The following FGF14 variants were observed in gnomAD, a reference collection of about 807,000 sequenced individuals.
FGF14 encodes fibroblast growth factor homologous factor 4.
Under a neutral mutation model 25.5 loss-of-function variants are expected in FGF14, and 5 were observed. The ratio of observed to expected loss-of-function variants is 0.20; its 90% CI spans 0.10 to 0.41. The LOEUF (loss-of-function observed/expected upper bound fraction) is 0.41, where lower values mean the gene tolerates loss of function less well. FGF14 is among the 10% of genes least tolerant of loss of function. The pLI, the probability that FGF14 is intolerant of heterozygous loss-of-function variation, is 1.00. For missense variants in FGF14, 222 were observed against 320.1 expected, an observed-to-expected ratio of 0.69 and a Z score of 2.34; for synonymous variants, 138 against 118.3, an observed-to-expected ratio of 1.17 and a Z score of -1.08.
chr13:102,058,615 A>G (rs1043692357), intron 1 of FGF14, among the ~76,000 whole-genome samples: 2 of 152,186 alleles, frequency 1.3e-5, no homozygotes, highest in African/African-American at 4.8e-5. Flanking sequence ...CCCCATCACT[A>G]TTACCTCTTA....
chr13:102,318,106 G>A (rs1444852680), intron 1 of FGF14, among the ~76,000 whole-genome samples: 2 of 152,154 alleles, frequency 1.3e-5, no homozygotes, highest in African/African-American at 2.4e-5. Context: ...GAGGGAGTTG[G>A]AGGCCCCAGC....
intron 3 of FGF14, among the ~76,000 whole-genome samples, chr13:101,788,015 G>A (rs1488734850): frequency 6.6e-6 from 1 of 152,090 alleles, no homozygotes; most frequent in Non-Finnish European, 1.5e-5. Context: ...GGGATTACAG[G>A]CTTGTGGCAC....
intron 1 of FGF14, among the ~76,000 whole-genome samples, chr13:102,111,429 C>A (rs2140322849): frequency 6.6e-6 from 1 of 152,214 alleles, no homozygotes; most frequent in South Asian, 2.1e-4. Context: ...AAGATTGTCT[C>A]ATGGGTTAGG....
intron 1 of FGF14, among the ~76,000 whole-genome samples, chr13:102,109,714 G>T (rs1357131713): frequency 6.6e-6 from 1 of 152,096 alleles, no homozygotes; most frequent in Non-Finnish European, 1.5e-5. Flanking sequence ...TCGCCTCCCA[G>T]GTTCAAGAGG....
At chr13:102,170,534 G>A (rs1774433963) in intron 1 of FGF14, among the ~76,000 whole-genome samples, 1 of 152,056 alleles carries the variant, frequency 6.6e-6, no homozygotes, top group Non-Finnish European at 1.5e-5. Context: ...CATCACAGAA[G>A]CACGCATTTT....
At chr13:101,882,407 CT>C (rs1405109652) in intron 1 of FGF14, among the ~76,000 whole-genome samples, 4 of 152,062 alleles carry the variant, frequency 2.6e-5, no homozygotes. Flanking sequence ...AATCAAAAGC[CT>C]TTCAGGGAAA....
chr13:101,959,765 G>T (rs777564406), intron 1 of FGF14, among the ~76,000 whole-genome samples: 2 of 152,130 alleles, frequency 1.3e-5, no homozygotes, highest in Non-Finnish European at 2.9e-5. Context: ...ATAGTGATTT[G>T]TATTCTTCTT....
At chr13:101,939,370 TAGTAAGCCAC>T (rs1448161900) in intron 1 of FGF14, among the ~76,000 whole-genome samples, 1 of 152,224 alleles carries the variant, frequency 6.6e-6, no homozygotes. Flanking sequence ...AGAAATAGCT[TAGTAAGCCAC>T]AGGCAGCTTA....
chr13:102,262,650 T>C (rs1566876376), intron 1 of FGF14, among the ~76,000 whole-genome samples: 2 of 152,178 alleles, frequency 1.3e-5, no homozygotes, highest in Non-Finnish European at 2.9e-5. Flanking sequence ...AAAGCCAAAA[T>C]TTAGCACCCA....
At chr13:101,760,979 CT>C (rs2037991886) in intron 3 of FGF14, among the ~76,000 whole-genome samples, 1 of 152,082 alleles carries the variant, frequency 6.6e-6, no homozygotes, top group African/African-American at 2.4e-5. Context: ...AAAAGTATTA[CT>C]TCACCTAAAT....
chr13:101,893,950 A>G (rs1394219619), intron 1 of FGF14, among the ~76,000 whole-genome samples: 2 of 151,986 alleles, frequency 1.3e-5, no homozygotes, highest in South Asian at 4.2e-4. Context: ...TCCCAGAGGC[A>G]TCATAAGGCA....
intron 1 of FGF14, among the ~76,000 whole-genome samples, chr13:102,110,977 C>T (rs9300713): frequency 1.3e-4 from 20 of 152,126 alleles, no homozygotes; most frequent in East Asian, 3.9e-4. Context: ...CTGACAGAGG[C>T]GGCCTTGAAG....
intron 1 of FGF14, among the ~76,000 whole-genome samples, chr13:102,248,106 A>C (rs564463358): frequency 6.6e-6 from 1 of 152,136 alleles, no homozygotes; most frequent in African/African-American, 2.4e-5. Context: ...GTGTGGGAGG[A>C]GGGAGAGGAA....
intron 1 of FGF14, among the ~76,000 whole-genome samples, chr13:102,196,301 T>C (rs780420229): frequency 1.9e-4 from 29 of 152,112 alleles, no homozygotes; most frequent in Non-Finnish European, 2.4e-4. Context: ...TGGGTGAAAA[T>C]GTTAAATTCA....
intron 1 of FGF14, chr13:102,263,208 C>G (rs747222082): frequency 7.6e-6 from 4 of 526,860 alleles, no homozygotes; most frequent in Non-Finnish European, 1.5e-5. Flanking sequence ...GAAGACATGG[C>G]GAGAAGCGCA....
At chr13:101,897,511 C>T (rs1356951056) in intron 1 of FGF14, among the ~76,000 whole-genome samples, 1 of 152,234 alleles carries the variant, frequency 6.6e-6, no homozygotes, top group East Asian at 1.9e-4. Flanking sequence ...ACACCTGTTG[C>T]CCAGAGTTAT....
chr13:102,392,019 A>G (rs1039941612), intron 1 of FGF14, among the ~76,000 whole-genome samples: 5 of 152,238 alleles, frequency 3.3e-5, no homozygotes, highest in Admixed American at 3.3e-4. Flanking sequence ...TTAAAGTACA[A>G]TATTATACCA....
intron 1 of FGF14, among the ~76,000 whole-genome samples, chr13:102,175,537 C>T (rs1242180740): frequency 6.6e-6 from 1 of 151,992 alleles, no homozygotes; most frequent in Non-Finnish European, 1.5e-5. Flanking sequence ...AGGACTATAT[C>T]CTCAAAAGCA....
intron 1 of FGF14, among the ~76,000 whole-genome samples, chr13:102,033,376 C>A (rs1257411034): frequency 6.6e-6 from 1 of 152,078 alleles, no homozygotes; most frequent in African/African-American, 2.4e-5. Context: ...GGGCACATGA[C>A]AAGGGAAGCC....
Sources: gnomAD v4.1 joint callset for allele counts (sites outside exome capture counted in the v4.1 genomes callset) on GRCh38, gnomAD v4.1.1 for gene constraint, MANE v1.5 for transcripts, NCBI Gene and HGNC (gene_info 2026-07-23, HGNC 2026-07-21) for gene names.